OR7E24: variants seen among roughly 807,000 people sequenced by gnomAD.
The protein encoded by OR7E24 is olfactory receptor 7E24.
For synonymous variants in OR7E24, 130 were observed against 157.5 expected, an observed-to-expected ratio of 0.83 and a Z score of 1.31; for missense variants, 385 against 410.3, an observed-to-expected ratio of 0.94 and a Z score of 0.53.
At chr19:9,230,114 G>A in the OR7E24 span, among the ~76,000 whole-genome samples, 6 of 150,760 alleles carry the variant, frequency 4.0e-5, no homozygotes, top group African/African-American at 1.5e-4. Context: ...GCACGATCTC[G>A]GCTCAGCACA....
the OR7E24 span, among the ~76,000 whole-genome samples, chr19:9,237,182 G>A: frequency 2.6e-5 from 4 of 152,136 alleles, no homozygotes; most frequent in Non-Finnish European, 5.9e-5. Flanking sequence ...TTCATTCCTT[G>A]TGATTCTTGC....
At chr19:9,209,764 C>T in the OR7E24 span, 2 of 151,986 alleles carry the variant, frequency 1.3e-5, no homozygotes, top group African/African-American at 4.8e-5. Context: ...AAGCAATTCT[C>T]CTGCCTCAGC....
the OR7E24 span, among the ~76,000 whole-genome samples, chr19:9,217,279 A>G: frequency 6.6e-6 from 1 of 152,238 alleles, no homozygotes; most frequent in Admixed American, 6.5e-5. Flanking sequence ...AATGTGACTG[A>G]TAAGTTTGAT....
chr19:9,220,714 A>G, the OR7E24 span, among the ~76,000 whole-genome samples: 1 of 152,190 alleles, frequency 6.6e-6, no homozygotes, highest in African/African-American at 2.4e-5. Flanking sequence ...TTCGTTTCTT[A>G]TTGATATATA....
At chr19:9,215,874 C>T in the OR7E24 span, among the ~76,000 whole-genome samples, 6 of 152,134 alleles carry the variant, frequency 3.9e-5, no homozygotes, top group Admixed American at 1.3e-4. Flanking sequence ...AGTCTGTTTT[C>T]ACTCTGCTGA....
upstream of OR7E24, among the ~76,000 whole-genome samples, chr19:9,245,764 T>C (rs1211108406): frequency 4.6e-5 from 7 of 152,218 alleles, no homozygotes; most frequent in African/African-American, 1.7e-4. Context: ...ACATTAGTTA[T>C]TGAAAAACAA....
At chr19:9,218,065 T>C in the OR7E24 span, among the ~76,000 whole-genome samples, 1 of 152,194 alleles carries the variant, frequency 6.6e-6, no homozygotes, top group Non-Finnish European at 1.5e-5. Context: ...CAACTTATAT[T>C]TAGTTTTAGA....
At chr19:9,213,918 C>G in the OR7E24 span, 7 of 1,614,000 alleles carry the variant, frequency 4.3e-6, no homozygotes, top group African/African-American at 1.3e-5. Flanking sequence ...AGAGTCGGCC[C>G]TGCTGAGGAG....
the OR7E24 span, chr19:9,211,774 C>CAAAAAAAAA: frequency 1.3e-5 from 1 of 75,930 alleles, no homozygotes; most frequent in Non-Finnish European, 3.0e-5. Context: ...GACTCCATCT[C>CAAAAAAAAA]AAAAAAAAAA....
the OR7E24 span, among the ~76,000 whole-genome samples, chr19:9,242,052 T>C: frequency 6.6e-6 from 1 of 152,236 alleles, no homozygotes; most frequent in African/African-American, 2.4e-5. Flanking sequence ...GCTGATATGA[T>C]GACATGCTTT....
chr19:9,216,973 C>T, the OR7E24 span, among the ~76,000 whole-genome samples: 1 of 152,188 alleles, frequency 6.6e-6, no homozygotes, highest in Non-Finnish European at 1.5e-5. Flanking sequence ...TTACATGGGG[C>T]AGCCATCAAG....
chr19:9,218,270 A>AGC, the OR7E24 span, among the ~76,000 whole-genome samples: 8 of 119,466 alleles, frequency 6.7e-5, no homozygotes, highest in African/African-American at 3.8e-4. Context: ...TACAGTAAAT[A>AGC]ACATATTCAT....
chr19:9,249,183 A>T (rs1387512917), upstream of OR7E24, among the ~76,000 whole-genome samples: 1 of 152,260 alleles, frequency 6.6e-6, no homozygotes, highest in Non-Finnish European at 1.5e-5. Context: ...CTGACAGGAC[A>T]TTTAATTTTT....
chr19:9,212,172 T>C, the OR7E24 span: 1 of 152,210 alleles, frequency 6.6e-6, no homozygotes, highest in African/African-American at 2.4e-5. Flanking sequence ...TATTCATCCC[T>C]CAACTATTTA....
chr19:9,221,344 T>C, the OR7E24 span, among the ~76,000 whole-genome samples: 34 of 44,320 alleles, frequency 7.7e-4, no homozygotes, highest in African/African-American at 6.8e-3. Flanking sequence ...TTTGCCCTTT[T>C]TTTTTTTTTT....
Position 9,251,810 on chromosome 19 carries a change from TCTC to T in OR7E24, c.769_771del (p.Ser257del), listed in dbSNP as rs774516218. 6.2e-7 allele frequency: 1 copy of T among 1,613,414 alleles called. No homozygotes were observed. The highest frequency in any genetic ancestry group is 1.7e-5 in the Admixed American group (1 of 59,912). ...ACATCAGATGGGAAGTATAAAGCCT[TCTC>T]CACCTGTGGCTCTCACCTGGCAGTT... On this transcript the variant is annotated inframe_deletion, in exon 1 of 1. Coordinates refer to ENST00000456448, the MANE Select transcript of OR7E24 (RefSeq NM_001079935.2).
chr19:9,238,726 T>A, the OR7E24 span, among the ~76,000 whole-genome samples: 1 of 152,228 alleles, frequency 6.6e-6, no homozygotes, highest in East Asian at 1.9e-4. Flanking sequence ...ACTCTGTTTT[T>A]ATGAGTTTGA....
upstream of OR7E24, among the ~76,000 whole-genome samples, chr19:9,246,466 T>TGGTGTG (rs1555720675): frequency 0.011 from 1,464 of 131,056 alleles, 15 homozygotes; most frequent in African/African-American, 0.023. Context: ...CTTAAAGGTA[T>TGGTGTG]TGTGTGTGTG....
the OR7E24 span, among the ~76,000 whole-genome samples, chr19:9,221,644 C>G: frequency 3.3e-5 from 5 of 151,980 alleles, no homozygotes; most frequent in Admixed American, 6.6e-5. Flanking sequence ...AGCCACCGCG[C>G]CAGGCTGTCT....
Sources: allele counts gnomAD v4.1 joint callset (sites outside exome capture counted in the v4.1 genomes callset), GRCh38; gene constraint gnomAD v4.1.1; transcripts MANE v1.5; gene names NCBI Gene and HGNC (gene_info 2026-07-23, HGNC 2026-07-21).